Variants in MAD1L1 observed in about 807,000 individuals in gnomAD.
The protein encoded by MAD1L1 is mitotic spindle assembly checkpoint protein MAD1.
MAD1L1 carries 95 observed loss-of-function variants against 96.9 expected under a neutral mutation model. That is an observed-to-expected ratio of 0.98 (90% CI 0.83 to 1.16). The LOEUF is 1.16. Ranked by LOEUF, MAD1L1 falls within the 50% of genes most tolerant of loss-of-function variation. The pLI is 0.00. For missense variants in MAD1L1, 1,007 were observed against 954.4 expected, an observed-to-expected ratio of 1.06 and a Z score of -0.73; for synonymous variants, 473 against 396.6, an observed-to-expected ratio of 1.19 and a Z score of -2.29.
chr7:2,123,236 C>T (rs1348795311), intron 11 of MAD1L1, among the ~76,000 whole-genome samples: 2 of 145,708 alleles, frequency 1.4e-5, no homozygotes, highest in African/African-American at 2.5e-5. Flanking sequence ...ACCCGGAAAG[C>T]GGAGCTTGCA....
intron 9 of MAD1L1, among the ~76,000 whole-genome samples, chr7:2,214,356 G>A (rs1414225476): frequency 6.6e-6 from 1 of 152,216 alleles, no homozygotes; most frequent in Non-Finnish European, 1.5e-5. Flanking sequence ...CCCAGCACCT[G>A]AGAGAAGAGT....
chr7:1,825,556 G>A (rs1489597699), intron 18 of MAD1L1, among the ~76,000 whole-genome samples: 6 of 152,362 alleles, frequency 3.9e-5, no homozygotes, highest in Non-Finnish European at 5.9e-5. Context: ...GGCACCCAGC[G>A]GCCAGGGCAC....
At chr7:2,113,081 GGAAACGGGGACGAGGGGCAGAGCC>G (rs1787466652) in intron 11 of MAD1L1, among the ~76,000 whole-genome samples, 1 of 142,902 alleles carries the variant, frequency 7.0e-6, no homozygotes, top group African/African-American at 2.6e-5. Context: ...GTCCCACTCA[GGAAACGGGGACGAGGGGCAGAGCC>G]TCCCTCAGCA....
At chr7:1,921,550 C>T (rs541990363) in intron 17 of MAD1L1, among the ~76,000 whole-genome samples, 1 of 152,042 alleles carries the variant, frequency 6.6e-6, no homozygotes, top group African/African-American at 2.4e-5. Flanking sequence ...CTTGAACTCC[C>T]GACCTCAGGT....
At chr7:1,994,600 T>C (rs1233657765) in intron 14 of MAD1L1, among the ~76,000 whole-genome samples, 1 of 152,048 alleles carries the variant, frequency 6.6e-6, no homozygotes, top group Non-Finnish European at 1.5e-5. Context: ...CCCGCTCTCA[T>C]GCTGAAATCC....
intron 17 of MAD1L1, among the ~76,000 whole-genome samples, chr7:1,901,784 G>A (rs1416714033): frequency 1.3e-5 from 2 of 152,202 alleles, no homozygotes; most frequent in Non-Finnish European, 1.5e-5. Context: ...CCTGGCTCCT[G>A]CCTTCCCTGC....
In MAD1L1 at chr7:1,968,123, G is replaced by C. The variant is rs1780248147; in HGVS notation, c.1506-10404C>G. On this transcript the variant is annotated intron_variant, in intron 15 of 18. Coordinates refer to ENST00000265854, the MANE Select transcript of MAD1L1 (RefSeq NM_001013836.2). The surrounding 1 kb of genome is among the most constrained non-coding windows in gnomAD (Gnocchi z 5.6). ...AGGGGGAGCGTCGCCTGTGCCCTGA[G>C]GGATTCGCTTCCAAGGAAGAGACTG... Among the ~76,000 whole-genome samples the C allele has an allele frequency of 6.6e-6, 1 of 152,264 alleles. No individual in the cohort carries two copies. Among genetic ancestry groups the C allele is most frequent in the Non-Finnish European group, 1.5e-5 (1 of 68,042 alleles).
At position 1,981,874 on chromosome 7, in the gene MAD1L1, T is replaced by C. The variant is rs543411065; in HGVS notation, c.1417-1333A>G. On this transcript the variant is annotated intron_variant, in intron 14 of 18. Transcript: ENST00000265854. ...TCTAATCACCATATGTTACATGTAC[T>C]GAAACATCACTATGTACCCCATAAA... Among the ~76,000 whole-genome samples the C allele has an allele frequency of 2.6e-5, 4 of 152,292 alleles. No homozygotes were observed. The South Asian group carries it at 8.3e-4, about 32-fold the overall frequency.
rs369326183 is a variant in MAD1L1 at position 1,900,098 on chromosome 7, G to A, written c.1808-1708C>T. 1.2e-4 allele frequency among the ~76,000 whole-genome samples: 19 copies of A among 152,254 alleles called. 1 individual carries two copies. Among genetic ancestry groups the A allele is most frequent in the African/African-American group, 4.3e-4 (18 of 41,564 alleles). The stretch of plus-strand genomic sequence containing the variant: ...GAGCGCAGGGCCGCTGGGCACCCCC[G>A]ATGGCGTGAGCTCAGTCGAGCAGCC... On this transcript the variant is annotated intron_variant, in intron 17 of 18. Transcript: ENST00000265854.
At chr7:2,135,675 G>A (rs1431236983) in intron 11 of MAD1L1, among the ~76,000 whole-genome samples, 2 of 152,156 alleles carry the variant, frequency 1.3e-5, no homozygotes, top group Non-Finnish European at 2.9e-5. Context: ...CTCTCACAGC[G>A]ACCCTCGGGA....
rs187674905 is a variant in MAD1L1, at chr7:2,051,877, G to A, written c.1218+17317C>T. 4.6e-5 allele frequency among the ~76,000 whole-genome samples: 7 copies of A among 151,978 alleles called. No individual in the cohort carries two copies. In the East Asian group the frequency reaches 1.4e-3, roughly 29 times the overall value. On this transcript the variant is annotated intron_variant, in intron 12 of 18. Coordinates refer to ENST00000265854, the MANE Select transcript of MAD1L1 (RefSeq NM_001013836.2). ...GAGCCATGGACAAGCTGAGCAGCAG[G>A]TGCCGTGTCAGGCTATACCACATGG...
intron 11 of MAD1L1, among the ~76,000 whole-genome samples, chr7:2,073,584 G>A (rs1036835696): frequency 6.6e-6 from 1 of 152,218 alleles, no homozygotes; most frequent in Non-Finnish European, 1.5e-5. Flanking sequence ...CGCCACTCTC[G>A]CCTCTCGTGT....
chr7:2,061,294 G>A (rs1005691252), intron 12 of MAD1L1, among the ~76,000 whole-genome samples: 10 of 152,140 alleles, frequency 6.6e-5, no homozygotes, highest in Admixed American at 1.3e-4. Context: ...CCAAGATTGA[G>A]CCATTGCACT....
chr7:2,005,411 T>C lies in MAD1L1; in HGVS notation c.1360-3290A>G, dbSNP rs142588691. Among the ~76,000 whole-genome samples, 11 of 152,278 alleles carry C rather than the reference T, an allele frequency of 7.2e-5. No individual in the cohort carries two copies. The East Asian group carries it at 1.7e-3, about 24-fold the overall frequency. ...GGCTGAAAACTTACAATCTGTGCACTTTGGTGTATTGTGTTATATTTCCAT... is the reference window on the plus strand; with the variant it reads ...GGCTGAAAACTTACAATCTGTGCACCTTGGTGTATTGTGTTATATTTCCAT... On this transcript the variant is annotated intron_variant, in intron 13 of 18. Transcript: ENST00000265854.
intron 12 of MAD1L1, among the ~76,000 whole-genome samples, chr7:2,019,308 C>G (rs1782676636): frequency 6.6e-6 from 1 of 152,332 alleles, no homozygotes; most frequent in Admixed American, 6.5e-5. Context: ...CTCATCCCAG[C>G]TGGTCGTTTC....
chr7:1,817,601 G>A (rs533539219), intron 18 of MAD1L1: 2 of 152,236 alleles, frequency 1.3e-5, no homozygotes, highest in Admixed American at 1.3e-4. Context: ...TCAGGGCTCA[G>A]GGCCAGTGGA....
At chr7:1,900,807 T>C (rs767903879) in intron 17 of MAD1L1, among the ~76,000 whole-genome samples, 7 of 152,226 alleles carry the variant, frequency 4.6e-5, no homozygotes, top group Non-Finnish European at 1.0e-4. Context: ...TGTTTTCCGA[T>C]AGACTTCAAA....
intron 18 of MAD1L1, among the ~76,000 whole-genome samples, chr7:1,818,489 C>A (rs937018418): frequency 6.6e-6 from 1 of 152,108 alleles, no homozygotes; most frequent in Admixed American, 6.6e-5. Flanking sequence ...CTCAAGTGAT[C>A]CACCTCAGCC....
At chr7:1,819,713 G>A (rs970076873) in intron 18 of MAD1L1, among the ~76,000 whole-genome samples, 13 of 152,144 alleles carry the variant, frequency 8.5e-5, no homozygotes, top group African/African-American at 2.7e-4. Context: ...AGTGAGGGAG[G>A]GGTGGGGGCT....
Sources: gnomAD v4.1 joint callset for allele counts (sites outside exome capture counted in the v4.1 genomes callset) on GRCh38, gnomAD v4.1.1 for gene constraint, Gnocchi (gnomAD v3.1) non-coding constraint, MANE v1.5 for transcripts, NCBI Gene and HGNC (gene_info 2026-07-23, HGNC 2026-07-21) for gene names.